ZBTB16: variants seen among roughly 807,000 people sequenced by gnomAD.
ZBTB16 encodes the protein zinc finger and BTB domain containing 16, also known as zinc finger and BTB domain-containing protein 16.
Under a neutral mutation model 56.8 loss-of-function variants are expected in ZBTB16, and 8 were observed. That is an observed-to-expected ratio of 0.14 (90% CI 0.08 to 0.25). The LOEUF (loss-of-function observed/expected upper bound fraction) is 0.25. Ranked by LOEUF, ZBTB16 falls within the 10% of genes least tolerant of loss-of-function variation. The pLI is 1.00. For synonymous variants in ZBTB16, 363 were observed against 368.5 expected, an observed-to-expected ratio of 0.98 and a Z score of 0.17; for missense variants, 625 against 903.0, an observed-to-expected ratio of 0.69 and a Z score of 3.95.
chr11:114,194,701 G>T (rs904936968), intron 4 of ZBTB16, among the ~76,000 whole-genome samples: 5 of 152,154 alleles, frequency 3.3e-5, no homozygotes, highest in African/African-American at 1.2e-4. Flanking sequence ...ACACTGTTCA[G>T]TAAAATAAAA....
At chr11:114,074,295 T>C (rs1490083926) in intron 2 of ZBTB16, among the ~76,000 whole-genome samples, 4 of 152,242 alleles carry the variant, frequency 2.6e-5, no homozygotes, top group African/African-American at 9.6e-5. Flanking sequence ...ACGGCTCTCC[T>C]TGCCATAGTG....
At chr11:114,170,717 A>C (rs890474209) in intron 3 of ZBTB16, among the ~76,000 whole-genome samples, 1 of 149,560 alleles carries the variant, frequency 6.7e-6, no homozygotes, top group African/African-American at 2.6e-5. Context: ...CAGCTCTCTT[A>C]CTGACTATTA....
chr11:114,080,464 C>CTG (rs1555128374), intron 2 of ZBTB16, among the ~76,000 whole-genome samples: 24 of 151,930 alleles, frequency 1.6e-4, no homozygotes, highest in East Asian at 7.8e-4. Flanking sequence ...CTCTCTCTCT[C>CTG]TCTGCATTAT....
rs191655120 is a variant in ZBTB16, at chr11:114,083,443, T to C, written c.1268+18875T>C. Among the ~76,000 whole-genome samples the C allele has an allele frequency of 1.8e-4, 28 of 152,294 alleles. No homozygotes were observed. The East Asian group carries it at 4.8e-3, about 26-fold the overall frequency. On this transcript the variant is annotated intron_variant, in intron 2 of 6. Transcript: ENST00000335953. ...CTTGAAAAGGAGCCATGCCCACTTG[T>C]CTCACGTCCCAGTCGCTGGCTCCAG... is the stretch of plus-strand genomic sequence containing the variant.
chr11:114,062,886 C>G (rs183577391), intron 1 of ZBTB16, among the ~76,000 whole-genome samples: 1 of 152,358 alleles, frequency 6.6e-6, no homozygotes, highest in African/African-American at 2.4e-5. Flanking sequence ...AGCCCCTACT[C>G]TCAGACACAG....
Position 114,254,319 on chromosome 11 carries a change from C to T in ZBTB16, c.*3764C>T, listed in dbSNP as rs1434077145. On this transcript the variant is annotated 3_prime_UTR_variant, in exon 7 of 7. Coordinates refer to ENST00000335953, the MANE Select transcript of ZBTB16 (RefSeq NM_006006.6). ...GGGTAGGTAGGGAGGCTGGGGGACC[C>T]AGTGATTCAGTACAATCCAAGGGAT... is the stretch of plus-strand genomic sequence containing the variant. Among the ~76,000 whole-genome samples, 1 of 151,798 alleles carries T rather than the reference C, an allele frequency of 6.6e-6. No individual in the cohort carries two copies. Among genetic ancestry groups the T allele is most frequent in the Non-Finnish European group, 1.5e-5 (1 of 67,988 alleles).
At chr11:114,085,152 A>T (rs1323539067) in intron 2 of ZBTB16, among the ~76,000 whole-genome samples, 1 of 152,238 alleles carries the variant, frequency 6.6e-6, no homozygotes, top group African/African-American at 2.4e-5. Flanking sequence ...GCCCACAGCA[A>T]GTAGTACATT....
chr11:114,250,240 T>G lies in ZBTB16; in HGVS notation c.1793-86T>G, dbSNP rs1183204912. ...GCAAGCCCAGCTGGAGGAACCCAGC[T>G]TCCCTGGCACGCCTGAGGGTGACAT... is the stretch of plus-strand genomic sequence containing the variant. On this transcript the variant is annotated intron_variant, in intron 6 of 6. Coordinates refer to ENST00000335953, the MANE Select transcript of ZBTB16 (RefSeq NM_006006.6). This position sits in a 1 kb window ranked among gnomAD's most constrained non-coding sequence, Gnocchi z 6.0. 6.0e-6 allele frequency: 9 copies of G among 1,496,112 alleles called. No individual in the cohort carries two copies. Among genetic ancestry groups the G allele is most frequent in the Non-Finnish European group, 8.3e-6 (9 of 1,087,212 alleles). The allele number at this position is 1,496,112 out of a possible 1,614,324, so 92.7% of individuals were successfully genotyped here.
intron 2 of ZBTB16, among the ~76,000 whole-genome samples, chr11:114,089,160 G>A (rs1940083329): frequency 2.0e-5 from 3 of 152,316 alleles, no homozygotes; most frequent in African/African-American, 4.8e-5. Flanking sequence ...GCAGGGATCT[G>A]CGGGGAGCGT....
intron 2 of ZBTB16, among the ~76,000 whole-genome samples, chr11:114,130,605 C>A (rs1196674457): frequency 1.3e-5 from 2 of 152,222 alleles, no homozygotes; most frequent in Admixed American, 1.3e-4. Context: ...CCTAGGCTTG[C>A]AGTGGCTTTT....
intron 3 of ZBTB16, among the ~76,000 whole-genome samples, chr11:114,177,746 A>G (rs1943151934): frequency 6.6e-6 from 1 of 152,158 alleles, no homozygotes; most frequent in Non-Finnish European, 1.5e-5. Flanking sequence ...GAAGAAAGAG[A>G]TTAGAAGCAA....
rs1325879951 is a variant in ZBTB16, at chr11:114,202,056, G to C, written c.1453+15018G>C. Among the ~76,000 whole-genome samples the C allele has an allele frequency of 3.3e-5, 5 of 152,104 alleles. No homozygotes were observed. In the East Asian group the frequency reaches 9.7e-4, roughly 29 times the overall value. The stretch of plus-strand genomic sequence containing the variant: ...CAGGTGCCTCAGTTTCCCACTGTTA[G>C]AACAGATAAATGCCAGATGGAGAAT... On this transcript the variant is annotated intron_variant, in intron 4 of 6. Transcript: ENST00000335953.
intron 4 of ZBTB16, among the ~76,000 whole-genome samples, chr11:114,233,073 G>GCA (rs1335081442): frequency 0.37 from 26,641 of 72,522 alleles, 4,442 homozygotes; most frequent in East Asian, 0.53. Flanking sequence ...GCATGCGCGC[G>GCA]CGCGCGCGCA....
downstream of ZBTB16, among the ~76,000 whole-genome samples, chr11:114,256,770 A>G (rs1487069573): frequency 1.3e-5 from 2 of 152,144 alleles, no homozygotes; most frequent in Non-Finnish European, 1.5e-5. Flanking sequence ...ACAACACTCA[A>G]TGGGTACGAT....
chr11:114,119,188 C>T lies in ZBTB16; in HGVS notation c.1269-37149C>T, dbSNP rs190289373. On this transcript the variant is annotated intron_variant, in intron 2 of 6. Transcript: ENST00000335953. ...GCTGAGGCAGGAGAATCGCTTGAAC[C>T]TGAGAGGCAGAGGTTGCAGTGAGCC... is the stretch of plus-strand genomic sequence containing the variant. 3.8e-3 allele frequency among the ~76,000 whole-genome samples: 544 copies of T among 142,334 alleles called. 9 individuals are homozygous for T. In the East Asian group the frequency reaches 0.051, roughly 13 times the overall value. The allele number at this position is 142,334 out of a possible 152,430, so 93.4% of individuals were successfully genotyped here.
At chr11:114,104,294 A>C (rs1940713065) in intron 2 of ZBTB16, among the ~76,000 whole-genome samples, 1 of 152,188 alleles carries the variant, frequency 6.6e-6, no homozygotes, top group Non-Finnish European at 1.5e-5. Flanking sequence ...CCATAACTGC[A>C]AGTAAATACC....
intron 2 of ZBTB16, among the ~76,000 whole-genome samples, chr11:114,132,148 C>G (rs1221075368): frequency 6.6e-6 from 1 of 151,884 alleles, no homozygotes; most frequent in Non-Finnish European, 1.5e-5. Context: ...TAACCTATAC[C>G]TATTAGGTAT....
At chr11:114,160,968 C>T (rs1044800356) in intron 3 of ZBTB16, among the ~76,000 whole-genome samples, 1 of 152,146 alleles carries the variant, frequency 6.6e-6, no homozygotes, top group African/African-American at 2.4e-5. Flanking sequence ...TGTGGCCCTT[C>T]CCCTTCCTGT....
At chr11:114,138,533 A>C (rs4936290) in intron 2 of ZBTB16, among the ~76,000 whole-genome samples, 45,004 of 151,844 alleles carry the variant, frequency 0.3, 7,435 homozygotes, top group Admixed American at 0.39. Flanking sequence ...ACTTAATTGT[A>C]AGCTCCTTGA....
Sources: gnomAD v4.1 joint callset for allele counts (sites outside exome capture counted in the v4.1 genomes callset) on GRCh38, gnomAD v4.1.1 for gene constraint, Gnocchi (gnomAD v3.1) non-coding constraint, MANE v1.5 for transcripts, NCBI Gene and HGNC (gene_info 2026-07-23, HGNC 2026-07-21) for gene names.